The following NUDCD3 variants were observed in gnomAD, a reference collection of about 807,000 sequenced individuals.
The protein encoded by NUDCD3 is NudC domain containing 3, also known as nudC domain-containing protein 3.
NUDCD3 carries 13 observed loss-of-function variants against 39.7 expected under a neutral mutation model. That is an observed-to-expected ratio of 0.33 (90% confidence interval 0.21 to 0.52). The LOEUF (loss-of-function observed/expected upper bound fraction) is 0.52, where lower values mean the gene tolerates loss of function less well. Among genes scored for constraint, NUDCD3 ranks in the 20% least tolerant of loss-of-function variants. The probability of loss-of-function intolerance (pLI) is 0.96; values close to 1 mark genes in which losing one functional copy is unlikely to be tolerated. For missense variants in NUDCD3, 453 were observed against 458.1 expected (o/e 0.99, Z 0.10); for synonymous variants, 175 against 172.4 (o/e 1.02, Z -0.12).
At chr7:44,443,249 C>T (rs543162677) in intron 2 of NUDCD3, among the ~76,000 whole-genome samples, 1 of 151,598 alleles carries the variant, frequency 6.6e-6, no homozygotes, top group Non-Finnish European at 1.5e-5. Context: ...AAAAAAAGAA[C>T]AGGTAACAGG....
At chr7:44,402,979 C>G (rs1164081390) in intron 4 of NUDCD3, 1 of 216,832 alleles carries the variant, frequency 4.6e-6, no homozygotes, top group African/African-American at 2.3e-5. Flanking sequence ...AGGAAAGGAA[C>G]TGGTAGTAGT....
chr7:44,476,507 G>C (rs1800372636), intron 2 of NUDCD3, among the ~76,000 whole-genome samples: 1 of 152,190 alleles, frequency 6.6e-6, no homozygotes, highest in South Asian at 2.1e-4. Context: ...TGAGAAGACA[G>C]AGGTCTATGA....
chr7:44,398,545 G>A (rs1798663910), intron 4 of NUDCD3, among the ~76,000 whole-genome samples: 1 of 152,186 alleles, frequency 6.6e-6, no homozygotes, highest in Admixed American at 6.5e-5. Context: ...AGGCTGAACA[G>A]TGTTCCCAAA....
At chr7:44,459,141 A>T (rs1395954546) in intron 2 of NUDCD3, among the ~76,000 whole-genome samples, 1 of 152,052 alleles carries the variant, frequency 6.6e-6, no homozygotes, top group Non-Finnish European at 1.5e-5. Flanking sequence ...GAGTTTTAAA[A>T]ATTTATTCCT....
chr7:44,406,388 G>C (rs1337526887), intron 3 of NUDCD3, among the ~76,000 whole-genome samples: 1 of 152,202 alleles, frequency 6.6e-6, no homozygotes, highest in Non-Finnish European at 1.5e-5. Flanking sequence ...TGAGGAACGT[G>C]AGCAAATGGA....
intron 2 of NUDCD3, among the ~76,000 whole-genome samples, chr7:44,429,881 T>C (rs573716894): frequency 6.6e-6 from 1 of 152,138 alleles, no homozygotes; most frequent in African/African-American, 2.4e-5. Flanking sequence ...AAGATTTAGA[T>C]GCAACCAATA....
At chr7:44,454,936 AACACACACACAC>A (rs10539692) in intron 2 of NUDCD3, among the ~76,000 whole-genome samples, 4 of 143,324 alleles carry the variant, frequency 2.8e-5, no homozygotes, top group South Asian at 2.2e-4. Flanking sequence ...CCTGTCTCAA[AACACACACACAC>A]ACACACACAC....
At chr7:44,386,743 G>A (rs1798409488) in intron 5 of NUDCD3, among the ~76,000 whole-genome samples, 1 of 152,228 alleles carries the variant, frequency 6.6e-6, no homozygotes, top group African/African-American at 2.4e-5. Context: ...GTCAGAGCTG[G>A]TTGACTAAGC....
intron 1 of NUDCD3, among the ~76,000 whole-genome samples, chr7:44,489,067 A>G (rs1246525781): frequency 6.6e-6 from 1 of 152,258 alleles, no homozygotes; most frequent in Non-Finnish European, 1.5e-5. Flanking sequence ...ACAACAGAAC[A>G]GGAAGATTTG....
At chr7:44,397,801 G>A (rs1798651068) in intron 4 of NUDCD3, among the ~76,000 whole-genome samples, 1 of 151,966 alleles carries the variant, frequency 6.6e-6, no homozygotes. Context: ...TTGGCCCTTT[G>A]TCCTGAGTTA....
chr7:44,421,562 A>G (rs993913320), intron 3 of NUDCD3, among the ~76,000 whole-genome samples: 7 of 152,078 alleles, frequency 4.6e-5, no homozygotes, highest in Non-Finnish European at 8.8e-5. Context: ...AAAGATCAAA[A>G]AAGACAAAGA....
intron 3 of NUDCD3, among the ~76,000 whole-genome samples, chr7:44,416,491 CA>C (rs890215612): frequency 6.9e-6 from 1 of 145,120 alleles, no homozygotes; most frequent in Non-Finnish European, 1.5e-5. Flanking sequence ...GACTCCAAAT[CA>C]AAAAAAAATA....
chr7:44,477,567 G>A (rs1441070436), intron 2 of NUDCD3, among the ~76,000 whole-genome samples: 1 of 152,120 alleles, frequency 6.6e-6, no homozygotes, highest in Non-Finnish European at 1.5e-5. Context: ...TATGAAAGTT[G>A]ACACTGACGG....
At chr7:44,489,834 A>C (rs1403894371) in intron 1 of NUDCD3, 1 of 152,260 alleles carries the variant, frequency 6.6e-6, no homozygotes, top group Non-Finnish European at 1.5e-5. Flanking sequence ...ACTACATTCA[A>C]AAGTGCCCAG....
chr7:44,432,788 A>T (rs1467569427), intron 2 of NUDCD3, among the ~76,000 whole-genome samples: 1 of 152,176 alleles, frequency 6.6e-6, no homozygotes, highest in Non-Finnish European at 1.5e-5. Flanking sequence ...TGTCACCCTC[A>T]TCTCCTTCCA....
At chr7:44,466,016 T>C (rs1201735124) in intron 2 of NUDCD3, among the ~76,000 whole-genome samples, 3 of 151,976 alleles carry the variant, frequency 2.0e-5, no homozygotes, top group Non-Finnish European at 4.4e-5. Context: ...AAATGACCAG[T>C]GAACCCAGGA....
chr7:44,437,918 G>C (rs774194958), intron 2 of NUDCD3, among the ~76,000 whole-genome samples: 32 of 152,158 alleles, frequency 2.1e-4, no homozygotes, highest in Non-Finnish European at 3.5e-4. Context: ...AGTAAAAATG[G>C]AAGTTTGTAC....
At chr7:44,433,543 G>C (rs1489297359) in intron 2 of NUDCD3, among the ~76,000 whole-genome samples, 2 of 152,094 alleles carry the variant, frequency 1.3e-5, no homozygotes, top group African/African-American at 2.4e-5. Context: ...CATGTGTGTG[G>C]TATGCATGTA....
Position 44,421,623 on chromosome 7 carries a change from T to G in NUDCD3, c.642+5948A>C, listed in dbSNP as rs1353275427. Among the ~76,000 whole-genome samples, 3 of 151,828 alleles carry G rather than the reference T, an allele frequency of 2.0e-5. No homozygotes were observed. The East Asian group carries it at 5.8e-4, about 29-fold the overall frequency. On this transcript the variant is annotated intron_variant, in intron 3 of 5. Coordinates refer to ENST00000355451, the MANE Select transcript of NUDCD3 (RefSeq NM_015332.4). ...TCAATGAAACTAGAAGAGCTAACTATCCTAAATATATATGCACCCAATACA... is the reference window on the plus strand; with the variant it reads ...TCAATGAAACTAGAAGAGCTAACTAGCCTAAATATATATGCACCCAATACA...
Sources: allele counts gnomAD v4.1 joint callset (sites outside exome capture counted in the v4.1 genomes callset), GRCh38; gene constraint gnomAD v4.1.1; transcripts MANE v1.5; gene names NCBI Gene and HGNC (gene_info 2026-07-23, HGNC 2026-07-21).